RABGAP1L: variants seen among roughly 807,000 people sequenced by gnomAD.
The protein encoded by RABGAP1L is RAB GTPase activating protein 1 like.
Under a neutral mutation model 137.7 loss-of-function variants are expected in RABGAP1L, and 63 were observed. That is an observed-to-expected ratio of 0.46 (90% CI 0.37 to 0.56). The LOEUF (loss-of-function observed/expected upper bound fraction) is 0.56. Ranked by LOEUF, RABGAP1L falls within the 20% of genes least tolerant of loss-of-function variation. The probability of loss-of-function intolerance (pLI) is 0.00; values close to 1 mark genes in which losing one functional copy is unlikely to be tolerated. For synonymous variants in RABGAP1L, 431 were observed against 433.7 expected (o/e 0.99, Z 0.08); for missense variants, 1,095 against 1,244.0 (o/e 0.88, Z 1.80).
intron 17 of RABGAP1L, among the ~76,000 whole-genome samples, chr1:174,711,540 G>C (rs1413431610): frequency 6.6e-6 from 1 of 152,166 alleles, no homozygotes; most frequent in Non-Finnish European, 1.5e-5. Context: ...TTCGCACCCG[G>C]GCCAGCAGCT....
intron 13 of RABGAP1L, among the ~76,000 whole-genome samples, chr1:174,552,149 G>A (rs555365774): frequency 2.0e-5 from 3 of 152,132 alleles, no homozygotes; most frequent in Admixed American, 6.5e-5. Context: ...TCTTCATCTG[G>A]ATTTATATTT....
intron 17 of RABGAP1L, among the ~76,000 whole-genome samples, chr1:174,726,771 C>T (rs189385622): frequency 6.6e-6 from 1 of 152,078 alleles, no homozygotes; most frequent in Non-Finnish European, 1.5e-5. Flanking sequence ...AATACAGTGT[C>T]TAAAAGAAAA....
intron 19 of RABGAP1L, among the ~76,000 whole-genome samples, chr1:174,841,565 A>T (rs1011231855): frequency 2.6e-5 from 4 of 152,106 alleles, no homozygotes; most frequent in Non-Finnish European, 5.9e-5. Context: ...AGAAGAAGGG[A>T]ATAAAAGTTA....
Position 174,832,152 on chromosome 1 carries a change from G to T in RABGAP1L, c.2340+20192G>T, listed in dbSNP as rs974985168. Among the ~76,000 whole-genome samples, 5 of 146,828 alleles carry T rather than the reference G, an allele frequency of 3.4e-5. No individual in the cohort carries two copies. In the East Asian group the frequency reaches 1.1e-3, roughly 32 times the overall value. On this transcript the variant is annotated intron_variant, in intron 19 of 25. Transcript: ENST00000681986. ...TACAAAAAATGCAAAAATTAGCCAGGTGTGGTGTCAGGCACCTGTAATCCC... is the reference window on the plus strand; with the variant it reads ...TACAAAAAATGCAAAAATTAGCCAGTTGTGGTGTCAGGCACCTGTAATCCC...
intron 19 of RABGAP1L, among the ~76,000 whole-genome samples, chr1:174,911,468 A>C (rs1479145526): frequency 1.3e-5 from 2 of 152,174 alleles, no homozygotes; most frequent in Non-Finnish European, 2.9e-5. Flanking sequence ...CCATTCACCT[A>C]TAAAGGATAT....
chr1:174,578,829 G>A (rs1448277818), intron 13 of RABGAP1L, among the ~76,000 whole-genome samples: 2 of 152,092 alleles, frequency 1.3e-5, no homozygotes, highest in Non-Finnish European at 2.9e-5. Flanking sequence ...GGATACTGCA[G>A]TCAATATGAT....
At chr1:174,608,831 GT>G (rs1374221142) in intron 13 of RABGAP1L, among the ~76,000 whole-genome samples, 1 of 152,124 alleles carries the variant, frequency 6.6e-6, no homozygotes, top group Non-Finnish European at 1.5e-5. Context: ...ATTTGAAATA[GT>G]TTAGGCATAA....
intron 13 of RABGAP1L, among the ~76,000 whole-genome samples, chr1:174,579,989 G>A (rs1341903624): frequency 6.6e-6 from 1 of 152,182 alleles, no homozygotes. Flanking sequence ...TTGAACTCCT[G>A]ACCTCAGGTG....
At chr1:174,258,156 A>G (rs949729220) in intron 7 of RABGAP1L, among the ~76,000 whole-genome samples, 3 of 152,222 alleles carry the variant, frequency 2.0e-5, no homozygotes, top group African/African-American at 4.8e-5. Context: ...GGATTTTTCT[A>G]TATTGGTAAA....
chr1:174,387,119 A>T lies in RABGAP1L; in HGVS notation c.1560-6876A>T, dbSNP rs76496633. 9.0e-3 allele frequency among the ~76,000 whole-genome samples: 1,378 copies of T among 152,336 alleles called. 26 individuals carry two copies. Among genetic ancestry groups the T allele is most frequent in the African/African-American group, 0.032 (1,329 of 41,566 alleles). ...GTTTCTACCTTTGAGGTTTATAATC[A>T]ATGTAGGTGGGAATGCATACTCATA... On this transcript the variant is annotated intron_variant, in intron 12 of 25. Coordinates refer to ENST00000681986, the MANE Select transcript of RABGAP1L (RefSeq NM_001366446.1).
intron 18 of RABGAP1L, among the ~76,000 whole-genome samples, chr1:174,807,162 G>A (rs574201035): frequency 1.3e-5 from 2 of 152,256 alleles, no homozygotes; most frequent in South Asian, 2.1e-4. Flanking sequence ...AGATATGTAT[G>A]TAATGATGGG....
At chr1:174,654,611 A>T (rs1675823224) in intron 14 of RABGAP1L, among the ~76,000 whole-genome samples, 1 of 152,162 alleles carries the variant, frequency 6.6e-6, no homozygotes, top group Non-Finnish European at 1.5e-5. Context: ...TTTACTTGTA[A>T]TGAGGACATT....
intron 1 of RABGAP1L, among the ~76,000 whole-genome samples, chr1:174,192,844 C>T (rs1667308139): frequency 6.6e-6 from 1 of 152,210 alleles, no homozygotes; most frequent in Non-Finnish European, 1.5e-5. Context: ...ACTAGGCAGG[C>T]ATGTCACCAT....
chr1:174,486,567 C>T (rs1378938647), intron 13 of RABGAP1L, among the ~76,000 whole-genome samples: 4 of 151,892 alleles, frequency 2.6e-5, no homozygotes, highest in Non-Finnish European at 2.9e-5. Flanking sequence ...AGGATGGTCT[C>T]GATCCCCTGA....
intron 14 of RABGAP1L, among the ~76,000 whole-genome samples, chr1:174,660,255 CA>C (rs1676275474): frequency 6.6e-6 from 1 of 152,134 alleles, no homozygotes; most frequent in African/African-American, 2.4e-5. Flanking sequence ...AAGTATAAAT[CA>C]AACTCAGAAG....
At chr1:174,652,582 TG>T (rs1343612191) in intron 14 of RABGAP1L, among the ~76,000 whole-genome samples, 1 of 152,210 alleles carries the variant, frequency 6.6e-6, no homozygotes, top group Admixed American at 6.5e-5. Context: ...TGGAGTTTGC[TG>T]GAGGTCCATT....
intron 1 of RABGAP1L, among the ~76,000 whole-genome samples, chr1:174,162,958 GA>G (rs1379127638): frequency 9.1e-6 from 1 of 110,344 alleles, no homozygotes; most frequent in Non-Finnish European, 1.8e-5. Flanking sequence ...GGGGAGGGGG[GA>G]GGGATAGCAT....
At chr1:174,203,983 CAGAGTGCAGTGGCACT>C (rs1167857960) in intron 1 of RABGAP1L, among the ~76,000 whole-genome samples, 23 of 150,742 alleles carry the variant, frequency 1.5e-4, no homozygotes, top group Non-Finnish European at 2.7e-4. Flanking sequence ...CTCTGTTGCC[CAGAGTGCAGTGGCACT>C]AGAGTGCAGT....
At chr1:174,621,036 A>C (rs558316128) in intron 13 of RABGAP1L, among the ~76,000 whole-genome samples, 27 of 152,350 alleles carry the variant, frequency 1.8e-4, no homozygotes, top group Non-Finnish European at 2.9e-4. Flanking sequence ...AAAATCTAGA[A>C]GAAATGGATA....
Sources: allele counts gnomAD v4.1 joint callset (sites outside exome capture counted in the v4.1 genomes callset), GRCh38; gene constraint gnomAD v4.1.1; transcripts MANE v1.5; gene names NCBI Gene and HGNC (gene_info 2026-07-23, HGNC 2026-07-21).